Variants in CSNK2A2IP observed in about 807,000 individuals in gnomAD.
CSNK2A2IP encodes casein kinase 2 subunit alpha' interacting protein.
At chr3:88,437,492 T>C in the CSNK2A2IP span, among the ~76,000 whole-genome samples, 2 of 152,214 alleles carry the variant, frequency 1.3e-5, no homozygotes, top group African/African-American at 4.8e-5. Context: ...ATTATGATTA[T>C]AGACCAAGAA....
At chr3:88,418,463 T>TGCACGCGCGC in the CSNK2A2IP span, among the ~76,000 whole-genome samples, 2 of 149,536 alleles carry the variant, frequency 1.3e-5, no homozygotes, top group African/African-American at 4.9e-5. Flanking sequence ...TGTGTGTGTG[T>TGCACGCGCGC]GCGCGCGGGC....
chr3:88,387,446 G>A, the CSNK2A2IP span, among the ~76,000 whole-genome samples: 1 of 152,106 alleles, frequency 6.6e-6, no homozygotes, highest in Non-Finnish European at 1.5e-5. Flanking sequence ...TGGGATTACA[G>A]GCATGAGCTA....
chr3:88,391,628 AAACAT>A, the CSNK2A2IP span, among the ~76,000 whole-genome samples: 1 of 152,216 alleles, frequency 6.6e-6, no homozygotes, highest in African/African-American at 2.4e-5. Context: ...TGAAAAAAGA[AAACAT>A]ACTCTAGGCA....
At chr3:88,339,813 G>T in the CSNK2A2IP span, among the ~76,000 whole-genome samples, 1 of 152,058 alleles carries the variant, frequency 6.6e-6, no homozygotes, top group Non-Finnish European at 1.5e-5. Context: ...AACCAGAGCA[G>T]CAATTATGGG....
chr3:88,428,507 T>C, the CSNK2A2IP span, among the ~76,000 whole-genome samples: 2 of 152,302 alleles, frequency 1.3e-5, no homozygotes, highest in African/African-American at 4.8e-5. Flanking sequence ...CCTTGAATTG[T>C]AGTTCCCATA....
At chr3:88,361,330 C>T in the CSNK2A2IP span, among the ~76,000 whole-genome samples, 1,360 of 152,246 alleles carry the variant, frequency 8.9e-3, 16 homozygotes, top group African/African-American at 0.031. Flanking sequence ...TTTTGTTTGT[C>T]TGGGAAAGTC....
the CSNK2A2IP span, among the ~76,000 whole-genome samples, chr3:88,457,438 GTAA>G: frequency 6.6e-6 from 1 of 151,964 alleles, no homozygotes; most frequent in Non-Finnish European, 1.5e-5. Context: ...GCTCACCCCT[GTAA>G]TCCCAGCACT....
At chr3:88,431,024 T>C in the CSNK2A2IP span, among the ~76,000 whole-genome samples, 32 of 152,328 alleles carry the variant, frequency 2.1e-4, no homozygotes, top group African/African-American at 7.5e-4. Context: ...ATTTGGGAAG[T>C]TATTTTAAGA....
At chr3:88,464,316 T>TA in the CSNK2A2IP span, among the ~76,000 whole-genome samples, 5 of 149,000 alleles carry the variant, frequency 3.4e-5, no homozygotes, top group African/African-American at 1.2e-4. Context: ...GGTATAATAA[T>TA]AATAAATAAA....
At chr3:88,377,399 C>T in the CSNK2A2IP span, among the ~76,000 whole-genome samples, 1 of 151,734 alleles carries the variant, frequency 6.6e-6, no homozygotes, top group African/African-American at 2.4e-5. Context: ...TCTGTTACGT[C>T]TATAACATTT....
At chr3:88,467,346 C>T in the CSNK2A2IP span, 1 of 398,128 alleles carries the variant, frequency 2.5e-6, no homozygotes, top group Non-Finnish European at 4.4e-6. Flanking sequence ...CCCTCACTCT[C>T]TCACGTCCTG....
the CSNK2A2IP span, among the ~76,000 whole-genome samples, chr3:88,397,138 A>G: frequency 6.6e-6 from 1 of 152,170 alleles, no homozygotes; most frequent in African/African-American, 2.4e-5. Context: ...CCCAATAGGA[A>G]ATAGCTGTCA....
the CSNK2A2IP span, among the ~76,000 whole-genome samples, chr3:88,377,941 T>C: frequency 6.6e-6 from 1 of 151,932 alleles, no homozygotes; most frequent in Non-Finnish European, 1.5e-5. Flanking sequence ...ATATCAATGA[T>C]ATAACAGATT....
At chr3:88,365,402 T>A in the CSNK2A2IP span, among the ~76,000 whole-genome samples, 1 of 152,172 alleles carries the variant, frequency 6.6e-6, no homozygotes, top group African/African-American at 2.4e-5. Flanking sequence ...GGTAAGACTA[T>A]GGGAATTTTT....
At chr3:88,389,080 GAAAT>G in the CSNK2A2IP span, among the ~76,000 whole-genome samples, 2 of 151,962 alleles carry the variant, frequency 1.3e-5, no homozygotes, top group African/African-American at 2.4e-5. Flanking sequence ...GATACACAAT[GAAAT>G]AAATAAGTTA....
the CSNK2A2IP span, among the ~76,000 whole-genome samples, chr3:88,368,182 TTAA>T: frequency 1.3e-5 from 2 of 152,022 alleles, no homozygotes; most frequent in African/African-American, 4.8e-5. Context: ...TGTCTTTCAG[TTAA>T]TAATCATTTA....
At chr3:88,364,690 A>G in the CSNK2A2IP span, among the ~76,000 whole-genome samples, 6 of 152,178 alleles carry the variant, frequency 3.9e-5, no homozygotes, top group East Asian at 1.2e-3. Flanking sequence ...AAGGCCTGAA[A>G]TTAATGATTG....
chr3:88,346,774 T>C, the CSNK2A2IP span, among the ~76,000 whole-genome samples: 54 of 151,702 alleles, frequency 3.6e-4, no homozygotes, highest in African/African-American at 1.2e-3. Context: ...AGATTAATGT[T>C]GTTAAGCCTG....
At chr3:88,384,416 C>T in the CSNK2A2IP span, among the ~76,000 whole-genome samples, 13 of 151,218 alleles carry the variant, frequency 8.6e-5, no homozygotes, top group East Asian at 1.4e-3. Context: ...GAAGAGCCAG[C>T]GAAAGAGACT....
Sources: allele counts gnomAD v4.1 joint callset (sites outside exome capture counted in the v4.1 genomes callset), GRCh38; gene constraint gnomAD v4.1.1; transcripts MANE v1.5; gene names NCBI Gene and HGNC (gene_info 2026-07-23, HGNC 2026-07-21).